PDE1A: variants seen among roughly 807,000 people sequenced by gnomAD.
PDE1A encodes the protein dual specificity calcium/calmodulin-dependent 3',5'-cyclic nucleotide phosphodiesterase 1A.
In PDE1A, 35 loss-of-function variants were observed where a neutral mutation model predicts 61.7. The ratio of observed to expected loss-of-function variants is 0.57; its 90% confidence interval spans 0.43 to 0.75. PDE1A has a LOEUF of 0.75. Ranked by LOEUF, PDE1A falls within the 30% of genes least tolerant of loss-of-function variation. The probability of loss-of-function intolerance (pLI) is 0.00; values close to 1 mark genes in which losing one functional copy is unlikely to be tolerated. For missense variants in PDE1A, 597 were observed against 630.6 expected, an observed-to-expected ratio of 0.95 and a Z score of 0.57; for synonymous variants, 232 against 213.2, an observed-to-expected ratio of 1.09 and a Z score of -0.77.
chr2:182,381,131 G>A (rs1164651987), intron 1 of PDE1A, among the ~76,000 whole-genome samples: 3 of 152,004 alleles, frequency 2.0e-5, no homozygotes, highest in African/African-American at 7.2e-5. Flanking sequence ...TGGTTACTCT[G>A]ATATGATTGT....
intron 1 of PDE1A, among the ~76,000 whole-genome samples, chr2:182,389,131 C>T (rs1194352911): frequency 6.6e-6 from 1 of 152,092 alleles, no homozygotes; most frequent in Non-Finnish European, 1.5e-5. Context: ...AGTAATGATA[C>T]CAACCATTAA....
intron 1 of PDE1A, among the ~76,000 whole-genome samples, chr2:182,314,781 A>C (rs944319421): frequency 1.0e-4 from 14 of 140,640 alleles, no homozygotes; most frequent in Non-Finnish European, 1.9e-4. Context: ...TAATTTGATG[A>C]ATATATATCA....
At chr2:182,221,045 ATTC>A (rs1312860793) in intron 7 of PDE1A, among the ~76,000 whole-genome samples, 5 of 151,810 alleles carry the variant, frequency 3.3e-5, no homozygotes, top group Non-Finnish European at 7.4e-5. Flanking sequence ...AAAAAACATG[ATTC>A]TTCTTTTTCC....
chr2:182,318,133 C>G (rs1696463698), intron 1 of PDE1A, among the ~76,000 whole-genome samples: 1 of 152,106 alleles, frequency 6.6e-6, no homozygotes, highest in Admixed American at 6.6e-5. Context: ...CCTTTCTCTA[C>G]TTTCACAAAC....
chr2:182,590,313 T>C, the PDE1A span, among the ~76,000 whole-genome samples: 1 of 151,984 alleles, frequency 6.6e-6, no homozygotes, highest in African/African-American at 2.4e-5. Flanking sequence ...GCAAAAAATT[T>C]AAAAGTTAGC....
intron 1 of PDE1A, among the ~76,000 whole-genome samples, chr2:182,282,862 C>T (rs191419228): frequency 6.6e-6 from 1 of 151,974 alleles, no homozygotes; most frequent in Non-Finnish European, 1.5e-5. Context: ...CACAAAAGCC[C>T]TAATGAAATA....
At chr2:182,154,260 G>T (rs1690943541) in intron 13 of PDE1A, among the ~76,000 whole-genome samples, 1 of 152,100 alleles carries the variant, frequency 6.6e-6, no homozygotes, top group Admixed American at 6.5e-5. Context: ...TGTTGAATAT[G>T]ATTGAATTTG....
At chr2:182,572,459 C>T in the PDE1A span, among the ~76,000 whole-genome samples, 1 of 152,212 alleles carries the variant, frequency 6.6e-6, no homozygotes, top group African/African-American at 2.4e-5. Flanking sequence ...ATCACAATCA[C>T]TATAAACCAG....
At chr2:182,713,058 C>T in the PDE1A span, among the ~76,000 whole-genome samples, 2 of 152,104 alleles carry the variant, frequency 1.3e-5, no homozygotes, top group Admixed American at 6.5e-5. Context: ...TCCTTTAACA[C>T]CCATGCTCTT....
intron 2 of PDE1A, among the ~76,000 whole-genome samples, chr2:182,445,157 C>G (rs1040653569): frequency 2.0e-5 from 3 of 151,874 alleles, no homozygotes; most frequent in Non-Finnish European, 4.4e-5. Context: ...CTTATGCAGG[C>G]AAAAAGAAAA....
At chr2:182,446,494 T>A (rs17356214) in intron 2 of PDE1A, among the ~76,000 whole-genome samples, 1 of 151,992 alleles carries the variant, frequency 6.6e-6, no homozygotes, top group Admixed American at 6.6e-5. Context: ...TACTACAACA[T>A]ACCTTGACTG....
chr2:182,620,166 T>C, the PDE1A span, among the ~76,000 whole-genome samples: 1 of 144,548 alleles, frequency 6.9e-6, no homozygotes, highest in African/African-American at 2.5e-5. Flanking sequence ...GTTATTAACT[T>C]TAAAATGTAT....
intron 1 of PDE1A, among the ~76,000 whole-genome samples, chr2:182,362,234 G>A (rs921844434): frequency 6.6e-6 from 1 of 151,948 alleles, no homozygotes; most frequent in Non-Finnish European, 1.5e-5. Context: ...ACCATTTACA[G>A]ACTTATCAGT....
chr2:182,326,616 A>G (rs532051291), intron 1 of PDE1A, among the ~76,000 whole-genome samples: 1 of 152,326 alleles, frequency 6.6e-6, no homozygotes, highest in South Asian at 2.1e-4. Flanking sequence ...ATGAGGAAAT[A>G]GTTCTGGAGA....
At chr2:182,284,167 G>C (rs1202948539) in intron 1 of PDE1A, among the ~76,000 whole-genome samples, 1 of 152,086 alleles carries the variant, frequency 6.6e-6, no homozygotes, top group African/African-American at 2.4e-5. Flanking sequence ...ATAACCTGAG[G>C]CTGCATTGTC....
the PDE1A span, among the ~76,000 whole-genome samples, chr2:182,579,926 C>T: frequency 6.6e-6 from 1 of 152,224 alleles, no homozygotes; most frequent in African/African-American, 2.4e-5. Flanking sequence ...CCCAAAAATG[C>T]TATCAGCACA....
intron 2 of PDE1A, among the ~76,000 whole-genome samples, chr2:182,465,457 A>G (rs567266953): frequency 2.6e-4 from 40 of 152,168 alleles, no homozygotes; most frequent in Admixed American, 3.9e-4. Context: ...ATATTGATAC[A>G]TTCAATTAAG....
intron 1 of PDE1A, among the ~76,000 whole-genome samples, chr2:182,352,009 C>G (rs148825801): frequency 1.3e-3 from 205 of 152,306 alleles, no homozygotes; most frequent in East Asian, 3.7e-3. Context: ...TTGTAATTTT[C>G]ACACATAAAG....
chr2:182,419,784 C>T (rs966544365), intron 1 of PDE1A, among the ~76,000 whole-genome samples: 7 of 152,076 alleles, frequency 4.6e-5, no homozygotes, highest in African/African-American at 1.7e-4. Flanking sequence ...CCTTTTGTTT[C>T]GCACCTACTA....
Sources: gnomAD v4.1 joint callset for allele counts (sites outside exome capture counted in the v4.1 genomes callset) on GRCh38, gnomAD v4.1.1 for gene constraint, MANE v1.5 for transcripts, NCBI Gene and HGNC (gene_info 2026-07-23, HGNC 2026-07-21) for gene names.